ERICH2: variants seen among roughly 807,000 people sequenced by gnomAD.
ERICH2 encodes the protein glutamate-rich protein 2.
A neutral mutation model predicts 17.4 loss-of-function variants in ERICH2; 17 were observed. That is an observed-to-expected ratio of 0.98 (90% CI 0.67 to 1.47). The LOEUF is 1.47. Among genes scored for constraint, ERICH2 ranks in the 40% most tolerant of loss-of-function variants. The pLI, the probability that ERICH2 is intolerant of heterozygous loss-of-function variation, is 0.00. For missense variants in ERICH2, 186 were observed against 183.2 expected (o/e 1.01, Z -0.09); for synonymous variants, 51 against 61.1 (o/e 0.83, Z 0.77).
the ERICH2 span, among the ~76,000 whole-genome samples, chr2:170,775,330 G>T: frequency 0.25 from 37,617 of 151,810 alleles, 5,099 homozygotes; most frequent in South Asian, 0.35. Context: ...TACTCAGGAG[G>T]CTGAGGTGGG....
At chr2:170,770,542 G>C in the ERICH2 span, among the ~76,000 whole-genome samples, 8 of 152,022 alleles carry the variant, frequency 5.3e-5, no homozygotes, top group Non-Finnish European at 8.8e-5. Context: ...CAGGTTGGGG[G>C]ACTAAGTCCT....
At chr2:170,783,686 A>G (rs187856975), upstream of ERICH2, 511 of 1,140,272 alleles carry the variant, frequency 4.5e-4, 3 homozygotes, top group Non-Finnish European at 1.7e-4. Flanking sequence ...AACTTCTCTC[A>G]TGCTGCTAAC....
At chr2:170,783,989 TTTG>T (rs1172306827) in intron 1 of ERICH2, 17 of 1,353,806 alleles carry the variant, frequency 1.3e-5, no homozygotes, top group South Asian at 2.6e-5. Flanking sequence ...TTTACCTTTT[TTTG>T]TTGTTGTTGT....
In ERICH2 at chr2:170,791,166, A is replaced by C. The variant is rs186353904; in HGVS notation, c.217-1697A>C. ...CTTAACCTAGACAAGAATAGATTTT[A>C]AAAATATAAGAATTCTATTGCATGA... On this transcript the variant is annotated intron_variant, in intron 2 of 4. Transcript: ENST00000409885. Among the ~76,000 whole-genome samples, 364 of 152,326 alleles carry C rather than the reference A, an allele frequency of 2.4e-3. 1 individual carries two copies. Among genetic ancestry groups the C allele is most frequent in the Non-Finnish European group, 4.3e-3 (294 of 68,024 alleles).
At chr2:170,796,841 G>T (rs1701437896) in intron 3 of ERICH2, among the ~76,000 whole-genome samples, 1 of 152,120 alleles carries the variant, frequency 6.6e-6, no homozygotes, top group Non-Finnish European at 1.5e-5. Context: ...ATATTAAACG[G>T]ATGATGCAAA....
At chr2:170,792,910 A>C in exon 3 of ERICH2, 2 of 1,510,016 alleles carry the variant, frequency 1.3e-6, no homozygotes, top group Non-Finnish European at 1.8e-6. Flanking sequence ...CAAAAAAATT[A>C]TGTCAGATGA....
chr2:170,784,360 C>T (rs1436599151), intron 1 of ERICH2, among the ~76,000 whole-genome samples: 1 of 152,196 alleles, frequency 6.6e-6, no homozygotes. Context: ...GCCAGACCGA[C>T]TCACAGATCT....
chr2:170,789,809 A>G (rs1198527498), intron 2 of ERICH2, among the ~76,000 whole-genome samples: 2 of 152,216 alleles, frequency 1.3e-5, no homozygotes, highest in Non-Finnish European at 2.9e-5. Flanking sequence ...TACATATTAG[A>G]TAATATTAAG....
chr2:170,783,619 T>C (rs151161613), upstream of ERICH2, among the ~76,000 whole-genome samples: 129 of 152,328 alleles, frequency 8.5e-4, no homozygotes, highest in African/African-American at 2.8e-3. Flanking sequence ...TGGTAGGTGC[T>C]ATAATGTAAA....
intron 2 of ERICH2, among the ~76,000 whole-genome samples, chr2:170,789,185 G>A (rs1701226129): frequency 1.3e-5 from 2 of 149,562 alleles, no homozygotes; most frequent in South Asian, 2.1e-4. Context: ...GGCTGGTCTC[G>A]AACTCCTGGC....
chr2:170,784,516 A>G (rs1701104668), intron 1 of ERICH2, 130 bp from the exon 7 acceptor site: 1 of 504,542 alleles, frequency 2.0e-6, no homozygotes, highest in Non-Finnish European at 3.4e-6. Context: ...TGTTTTGAAT[A>G]TAAGTTTGTT....
At chr2:170,794,588 C>T (rs1305141767) in intron 3 of ERICH2, among the ~76,000 whole-genome samples, 1 of 152,124 alleles carries the variant, frequency 6.6e-6, no homozygotes, top group Non-Finnish European at 1.5e-5. Context: ...CTTTGTTGAA[C>T]TCTATCATCT....
chr2:170,783,724 T>C, upstream of ERICH2: 1 of 1,446,120 alleles, frequency 6.9e-7, no homozygotes, highest in Non-Finnish European at 9.5e-7. Flanking sequence ...AGACAGTTCC[T>C]GTGACATCAC....
upstream of ERICH2, chr2:170,779,886 A>G: frequency 1.0e-6 from 1 of 971,292 alleles, no homozygotes; most frequent in Non-Finnish European, 1.2e-6. Context: ...CATTCTCAGA[A>G]AAGTAAGTTT....
the ERICH2 span, among the ~76,000 whole-genome samples, chr2:170,772,526 G>A: frequency 6.6e-6 from 1 of 152,152 alleles, no homozygotes; most frequent in Admixed American, 6.5e-5. Context: ...ACAGTTTACT[G>A]GGATTTAAAC....
chr2:170,798,072 C>A, exon 4 of ERICH2: 1 of 1,549,324 alleles, frequency 6.5e-7, no homozygotes, highest in Non-Finnish European at 8.7e-7. Context: ...ATCCTGAGGC[C>A]AAGGAGTTTT....
At chr2:170,776,755 C>T in the ERICH2 span, among the ~76,000 whole-genome samples, 2,994 of 148,660 alleles carry the variant, frequency 0.02, 109 homozygotes, top group African/African-American at 0.069. Flanking sequence ...AAAAAGATAA[C>T]AGAGAATTTC....
upstream of ERICH2, among the ~76,000 whole-genome samples, chr2:170,781,016 A>G (rs921682386): frequency 2.0e-5 from 3 of 152,212 alleles, no homozygotes; most frequent in Admixed American, 6.5e-5. Flanking sequence ...ACAAATGTAA[A>G]TCATCTTTGC....
upstream of ERICH2, among the ~76,000 whole-genome samples, chr2:170,779,211 T>C (rs1700973483): frequency 6.6e-6 from 1 of 152,160 alleles, no homozygotes; most frequent in Non-Finnish European, 1.5e-5. Flanking sequence ...AGAGTGTGAC[T>C]GACCTGCAAA....
Sources: gnomAD v4.1 joint callset for allele counts (sites outside exome capture counted in the v4.1 genomes callset) on GRCh38, gnomAD v4.1.1 for gene constraint, MANE v1.5 for transcripts, NCBI Gene and HGNC (gene_info 2026-07-23, HGNC 2026-07-21) for gene names.